The following NEMP2 variants were observed in gnomAD, a reference collection of about 807,000 sequenced individuals.
NEMP2 encodes the protein UPF0571 transmembrane protein.
In NEMP2, 53 loss-of-function variants were observed where a neutral mutation model predicts 54.2. The observed-to-expected ratio is 0.98, with a 90% CI of 0.78 to 1.23. NEMP2 has a LOEUF of 1.23. Among genes scored for constraint, NEMP2 ranks in the 50% most tolerant of loss-of-function variants. NEMP2 has a pLI of 0.00. For synonymous variants in NEMP2, 197 were observed against 190.3 expected (o/e 1.04, Z -0.29); for missense variants, 455 against 511.3 (o/e 0.89, Z 1.06).
rs1465203404 is a variant in NEMP2 at position 190,513,728 on chromosome 2, A to G, written c.953+725T>C. Reference sequence around the variant, plus strand: ...GTCTGGTTATTTTTATTCATTCTTTAAGATTCAGCGTAGTAATATCTCTCC... The same window carrying G: ...GTCTGGTTATTTTTATTCATTCTTTGAGATTCAGCGTAGTAATATCTCTCC... On this transcript the variant is annotated intron_variant, in intron 7 of 8. Transcript: ENST00000409150. The surrounding 1 kb of genome is among the most constrained non-coding windows in gnomAD (Gnocchi z 5.3). Among the ~76,000 whole-genome samples, 2 of 152,200 alleles carry G rather than the reference A, an allele frequency of 1.3e-5. No individual in the cohort carries two copies. The highest frequency in any genetic ancestry group is 2.9e-5 in the Non-Finnish European group (2 of 68,028).
chr2:190,496,632 G>A, the NEMP2 span, among the ~76,000 whole-genome samples: 5 of 152,204 alleles, frequency 3.3e-5, no homozygotes, highest in Non-Finnish European at 7.4e-5. This position sits in a 1 kb window ranked among gnomAD's most constrained non-coding sequence, Gnocchi z 4.7. Context: ...GTATGTATAT[G>A]TGTGTATATA....
chr2:190,487,079 G>A, the NEMP2 span, among the ~76,000 whole-genome samples: 3 of 152,138 alleles, frequency 2.0e-5, no homozygotes, highest in Non-Finnish European at 4.4e-5. This position sits in a 1 kb window ranked among gnomAD's most constrained non-coding sequence, Gnocchi z 5.5. Flanking sequence ...TGGGTGCAGT[G>A]GCTCACTAAT....
the NEMP2 span, chr2:190,553,128 A>G: frequency 1.3e-5 from 2 of 152,132 alleles, no homozygotes; most frequent in Non-Finnish European, 2.9e-5. Flanking sequence ...AAAAACAACA[A>G]TTCTTATTAT....
chr2:190,444,718 A>G, the NEMP2 span: 5 of 163,314 alleles, frequency 3.1e-5, no homozygotes, highest in African/African-American at 1.2e-4. Flanking sequence ...CAACATTTCT[A>G]CAGGGGTTAG....
rs4439990 is a variant in NEMP2, at chr2:190,533,627, A to T, written c.97+932T>A. Among the ~76,000 whole-genome samples, 1 of 152,060 alleles carries T rather than the reference A, an allele frequency of 6.6e-6. No homozygotes were observed. Among genetic ancestry groups the T allele is most frequent in the Non-Finnish European group, 1.5e-5 (1 of 67,998 alleles). ...TCCAGTCTCTCATTCATCCTTAGAT[A>T]AAAAACCGCGGTATAACCGGAGGGA... On this transcript the variant is annotated intron_variant, in intron 1 of 8. Transcript: ENST00000409150. This position sits in a 1 kb window ranked among gnomAD's most constrained non-coding sequence, Gnocchi z 4.3.
the NEMP2 span, among the ~76,000 whole-genome samples, chr2:190,477,870 A>G: frequency 1.3e-5 from 2 of 152,164 alleles, no homozygotes; most frequent in African/African-American, 4.8e-5. Context: ...AATTCCCTAC[A>G]AAAATCACAT....
the NEMP2 span, among the ~76,000 whole-genome samples, chr2:190,570,772 T>C: frequency 6.6e-6 from 1 of 152,176 alleles, no homozygotes; most frequent in African/African-American, 2.4e-5. This position sits in a 1 kb window ranked among gnomAD's most constrained non-coding sequence, Gnocchi z 5.4. Context: ...CAGCTTAAAA[T>C]AGCAGTACTA....
At chr2:190,426,378 G>T in the NEMP2 span, among the ~76,000 whole-genome samples, 1 of 151,868 alleles carries the variant, frequency 6.6e-6, no homozygotes, top group Non-Finnish European at 1.5e-5. The surrounding 1 kb of genome is among the most constrained non-coding windows in gnomAD (Gnocchi z 4.7). Context: ...CCAGTTATAA[G>T]TTTTCCATTT....
chr2:190,511,015 T>C (rs956179014), intron 7 of NEMP2, among the ~76,000 whole-genome samples: 2 of 152,228 alleles, frequency 1.3e-5, no homozygotes, highest in African/African-American at 4.8e-5. Flanking sequence ...AACATGTAGT[T>C]TGGGCCTAAT....
At chr2:190,622,855 A>G in the NEMP2 span, among the ~76,000 whole-genome samples, 1 of 152,072 alleles carries the variant, frequency 6.6e-6, no homozygotes. Flanking sequence ...ATTAAGCTAG[A>G]AAAAAAATAA....
the NEMP2 span, chr2:190,648,556 G>A: frequency 6.7e-6 from 1 of 149,166 alleles, no homozygotes; most frequent in East Asian, 2.0e-4. Flanking sequence ...GCCTCCTAGA[G>A]GATGTTGGAT....
chr2:190,534,764 G>C (rs963498984), upstream of NEMP2: 2 of 822,566 alleles, frequency 2.4e-6, no homozygotes, highest in Non-Finnish European at 3.3e-6. Flanking sequence ...GGTGAGGCCC[G>C]AACGCGGGAA....
At chr2:190,475,949 C>A in the NEMP2 span, among the ~76,000 whole-genome samples, 1 of 151,572 alleles carries the variant, frequency 6.6e-6, no homozygotes, top group Non-Finnish European at 1.5e-5. Flanking sequence ...CTGACAAAAA[C>A]AAGAAATAGG....
the NEMP2 span, among the ~76,000 whole-genome samples, chr2:190,424,131 A>G: frequency 6.6e-6 from 1 of 152,034 alleles, no homozygotes; most frequent in African/African-American, 2.4e-5. This position sits in a 1 kb window ranked among gnomAD's most constrained non-coding sequence, Gnocchi z 5.9. Flanking sequence ...CAAAAGTTTT[A>G]AATTTTAATG....
chr2:190,604,468 C>T, the NEMP2 span, among the ~76,000 whole-genome samples: 18 of 152,172 alleles, frequency 1.2e-4, no homozygotes, highest in Non-Finnish European at 2.4e-4. This position sits in a 1 kb window ranked among gnomAD's most constrained non-coding sequence, Gnocchi z 4.5. Context: ...TCCATCTGCG[C>T]GCTTGAACAA....
chr2:190,452,028 A>G, the NEMP2 span, among the ~76,000 whole-genome samples: 1 of 151,792 alleles, frequency 6.6e-6, no homozygotes, highest in Non-Finnish European at 1.5e-5. Context: ...TGATTCATGT[A>G]CTATCTTTGC....
chr2:190,442,573 A>C, the NEMP2 span: 2 of 152,186 alleles, frequency 1.3e-5, no homozygotes, highest in Non-Finnish European at 2.9e-5. Flanking sequence ...CCTGAACTGC[A>C]GCAGTAGCAA....
At chr2:190,572,835 A>T in the NEMP2 span, among the ~76,000 whole-genome samples, 3,374 of 16,628 alleles carry the variant, frequency 0.2, 319 homozygotes, top group Admixed American at 0.29. Context: ...TTTCATGAGT[A>T]TATATATATA....
At chr2:190,454,230 T>C in the NEMP2 span, 3 of 152,168 alleles carry the variant, frequency 2.0e-5, no homozygotes, top group African/African-American at 7.2e-5. The surrounding 1 kb of genome is among the most constrained non-coding windows in gnomAD (Gnocchi z 4.6). Context: ...GGTCCTGGGA[T>C]AGAGTACCTG....
Sources: gnomAD v4.1 joint callset for allele counts (sites outside exome capture counted in the v4.1 genomes callset) on GRCh38, gnomAD v4.1.1 for gene constraint, Gnocchi (gnomAD v3.1) non-coding constraint, MANE v1.5 for transcripts, NCBI Gene and HGNC (gene_info 2026-07-23, HGNC 2026-07-21) for gene names.